NLRP8: variants seen among roughly 807,000 people sequenced by gnomAD.
NLRP8 encodes NLR family pyrin domain containing 8, also known as NACHT, LRR and PYD domains-containing protein 8.
NLRP8 carries 86 observed loss-of-function variants against 88.7 expected under a neutral mutation model. The ratio of observed to expected loss-of-function variants is 0.97; its 90% confidence interval spans 0.81 to 1.16. The LOEUF is 1.16. NLRP8 is among the 50% of genes most tolerant of loss of function. The pLI is 0.00. For missense variants in NLRP8, 1,342 were observed against 1,286.5 expected, an observed-to-expected ratio of 1.04 and a Z score of -0.66; for synonymous variants, 504 against 494.6, an observed-to-expected ratio of 1.02 and a Z score of -0.25.
chr19:55,979,560 A>G lies in NLRP8; in HGVS notation c.3043A>G (p.Ile1015Val). 6.2e-7 allele frequency: 1 copy of G among 1,614,148 alleles called. No individual in the cohort carries two copies. Among genetic ancestry groups the G allele is most frequent in the Non-Finnish European group, 8.5e-7 (1 of 1,180,004 alleles). The change falls in exon 9 of 10, where the codon ATT becomes GTT. Residue 1015 changes from isoleucine to valine, a missense_variant. Coordinates refer to ENST00000291971, the MANE Select transcript of NLRP8 (RefSeq NM_176811.2). ...AAGCCAAAAGAAGAGAGAAGAGGTC[A>G]TTTTGTAAGTCTCCACCGGGTTTCC...
chr19:55,976,335 C>A, intron 8 of NLRP8, 32 bp downstream of exon 8: 1 of 1,539,658 alleles, frequency 6.5e-7, no homozygotes, highest in Non-Finnish European at 8.7e-7. Context: ...CCTGTGAGAC[C>A]AGGAGAATTG....
intron 8 of NLRP8, among the ~76,000 whole-genome samples, chr19:55,976,705 T>A (rs192888222): frequency 5.7e-4 from 86 of 150,898 alleles, no homozygotes; most frequent in Middle Eastern, 3.6e-3. Flanking sequence ...TACACATATA[T>A]GTATATAAAG....
At chr19:55,966,978 G>A (rs1048434212) in intron 5 of NLRP8, among the ~76,000 whole-genome samples, 4 of 152,260 alleles carry the variant, frequency 2.6e-5, no homozygotes, top group African/African-American at 7.2e-5. Flanking sequence ...TATGGGGTAC[G>A]TAAGATGTTT....
intron 9 of NLRP8, among the ~76,000 whole-genome samples, 33 bp downstream of exon 10, chr19:55,981,191 T>C (rs990069355): frequency 1.3e-5 from 2 of 151,478 alleles, no homozygotes; most frequent in African/African-American, 4.9e-5. Flanking sequence ...TGAATCGATC[T>C]GGACCCTCTG....
Position 55,970,686 on chromosome 19 carries a change from G to A in NLRP8, c.2524G>A (p.Glu842Lys), listed in dbSNP as rs1417446557. 1 of 1,614,104 alleles carries A rather than the reference G, an allele frequency of 6.2e-7. No homozygotes were observed. Among genetic ancestry groups the A allele is most frequent in the South Asian group, 1.1e-5 (1 of 91,070 alleles). The change falls in exon 6 of 10, where the codon GAG (glutamate) becomes AAG (lysine). Residue 842 changes from glutamate (E) to lysine (K), a missense_variant. By Grantham distance (56) the Glu-to-Lys change is moderately conservative (BLOSUM62 1). Transcript: ENST00000291971. ...GTATTACCTGTCTGTGGCCCAGCTGGAGAGGCTGTCGTAAGTCTCCTTTCT... is the reference window on the plus strand; with the variant it reads ...GTATTACCTGTCTGTGGCCCAGCTGAAGAGGCTGTCGTAAGTCTCCTTTCT...
intron 3 of NLRP8, among the ~76,000 whole-genome samples, chr19:55,959,802 G>A (rs940190286): frequency 4.6e-5 from 7 of 152,148 alleles, no homozygotes; most frequent in Non-Finnish European, 8.8e-5. Flanking sequence ...ATATGTCTAC[G>A]TGTAAGTGTT....
intron 9 of NLRP8, among the ~76,000 whole-genome samples, chr19:55,980,196 T>C (rs1426209865): frequency 1.3e-5 from 2 of 152,214 alleles, no homozygotes; most frequent in Admixed American, 1.3e-4. Context: ...AGTTAATCTT[T>C]CTAAGCCTCA....
intron 8 of NLRP8, among the ~76,000 whole-genome samples, chr19:55,978,656 C>T (rs1475989971): frequency 1.3e-5 from 2 of 152,110 alleles, no homozygotes; most frequent in Non-Finnish European, 2.9e-5. Flanking sequence ...GGGCCGGCAT[C>T]GTATTTATGA....
At chr19:55,948,713 C>G (rs1047191337) in intron 1 of NLRP8, among the ~76,000 whole-genome samples, 2 of 152,194 alleles carry the variant, frequency 1.3e-5, no homozygotes, top group Non-Finnish European at 2.9e-5. Context: ...GCTGGGATTG[C>G]AGGTGTGAGC....
chr19:55,972,516 T>C (rs1282437553), intron 6 of NLRP8, among the ~76,000 whole-genome samples: 2 of 152,008 alleles, frequency 1.3e-5, no homozygotes, highest in Non-Finnish European at 2.9e-5. Context: ...TCTGGGATTT[T>C]TGCACGCCCA....
intron 4 of NLRP8, among the ~76,000 whole-genome samples, chr19:55,962,811 T>A (rs559780969): frequency 4.7e-4 from 71 of 151,970 alleles, no homozygotes; most frequent in Admixed American, 1.6e-3. Flanking sequence ...TAAATAAAAT[T>A]AAATGATCAT....
chr19:55,984,226 AAG>A lies in NLRP8; in HGVS notation c.3048-3587_3048-3586del, dbSNP rs137892059. Among the ~76,000 whole-genome samples the A allele has an allele frequency of 7.8e-3, 1,190 of 152,320 alleles. 23 individuals are homozygous for A. The highest frequency in any genetic ancestry group is 0.028 in the African/African-American group (1,146 of 41,560). ...TGGGGATTAAAAAATAATAATTAAA[AAG>A]TGAATTAGTAAGATCCCACACACAA... On this transcript the variant is annotated intron_variant, in intron 9 of 9. Coordinates refer to ENST00000291971, the MANE Select transcript of NLRP8 (RefSeq NM_176811.2).
In NLRP8 at chr19:55,955,895, C is replaced by T. The variant is rs766447946; in HGVS notation, c.1837C>T (p.Leu613=). The stretch of plus-strand genomic sequence containing the variant: ...TGGGGTCCCGCAGTTATTCTACTGT[C>T]TGCATGAAATCCGGGAGGAAGCCTT... The change falls in exon 3 of 10, where the codon CTG becomes TTG. Residue 613 remains leucine, a synonymous_variant. Coordinates refer to ENST00000291971, the MANE Select transcript of NLRP8 (RefSeq NM_176811.2). The T allele has an allele frequency of 2.5e-6, 4 of 1,614,172 alleles. No individual in the cohort carries two copies. In the South Asian group the frequency reaches 4.4e-5, roughly 18 times the overall value.
chr19:55,962,430 C>A (rs930518059), intron 4 of NLRP8, among the ~76,000 whole-genome samples, 193 bp downstream of exon 4: 4 of 152,230 alleles, frequency 2.6e-5, no homozygotes, highest in African/African-American at 9.6e-5. Flanking sequence ...AGGCTGACGG[C>A]TCGATCTGTC....
intron 2 of NLRP8, among the ~76,000 whole-genome samples, chr19:55,953,871 G>A (rs1979209955): frequency 7.6e-6 from 1 of 130,936 alleles, no homozygotes; most frequent in Admixed American, 9.6e-5. Context: ...GCGCAATCTT[G>A]GCTCACTGGA....
chr19:55,956,690 C>G (rs945110163), intron 3 of NLRP8, among the ~76,000 whole-genome samples: 2 of 152,182 alleles, frequency 1.3e-5, no homozygotes, highest in African/African-American at 4.8e-5. Context: ...GGATATAGGA[C>G]TTTCCGTGCT....
At chr19:55,959,457 C>T (rs55767504) in intron 3 of NLRP8, among the ~76,000 whole-genome samples, 1 of 151,802 alleles carries the variant, frequency 6.6e-6, no homozygotes, top group South Asian at 2.1e-4. Context: ...CATGATCCAC[C>T]CGCCTCGGCC....
chr19:55,956,572 T>C (rs952863186), intron 3 of NLRP8, among the ~76,000 whole-genome samples: 7 of 152,044 alleles, frequency 4.6e-5, no homozygotes, highest in African/African-American at 1.4e-4. Flanking sequence ...CAAACATATA[T>C]CTACGGTGAT....
rs577576863 is a variant in NLRP8 at position 55,986,796 on chromosome 19, G to A, written c.3048-1018G>A. Among the ~76,000 whole-genome samples the A allele has an allele frequency of 2.0e-5, 3 of 152,270 alleles. No homozygotes were observed. In the South Asian group the frequency reaches 6.2e-4, roughly 32 times the overall value. ...TGCCAGCTGGCCCAGAGCTGGACCT[G>A]CTCTTGGTGGTGAGGTGTGAAGCTG... On this transcript the variant is annotated intron_variant, in intron 9 of 9. Coordinates refer to ENST00000291971, the MANE Select transcript of NLRP8 (RefSeq NM_176811.2).
Sources: gnomAD v4.1 joint callset for allele counts (sites outside exome capture counted in the v4.1 genomes callset) on GRCh38, gnomAD v4.1.1 for gene constraint, MANE v1.5 for transcripts, NCBI Gene and HGNC (gene_info 2026-07-23, HGNC 2026-07-21) for gene names.